The following DOCK1 variants were observed in gnomAD, a reference collection of about 807,000 sequenced individuals.
DOCK1 encodes the protein dedicator of cytokinesis 1, also known as dedicator of cytokinesis protein 1.
DOCK1 carries 138 observed loss-of-function variants against 262.7 expected under a neutral mutation model. The observed-to-expected ratio is 0.53, with a 90% CI of 0.46 to 0.61. DOCK1 has a LOEUF of 0.61. Ranked by LOEUF, DOCK1 falls within the 20% of genes least tolerant of loss-of-function variation. The pLI, the probability that DOCK1 is intolerant of heterozygous loss-of-function variation, is 0.00. For synonymous variants in DOCK1, 866 were observed against 867.4 expected (o/e 1.00, Z 0.03); for missense variants, 1,908 against 2,370.7 (o/e 0.80, Z 4.05).
At chr10:127,052,951 A>G (rs2044843485) in intron 22 of DOCK1, 136 bp downstream of exon 22, 1 of 1,362,946 alleles carries the variant, frequency 7.3e-7, no homozygotes, top group South Asian at 1.5e-5. Context: ...TTCTAGGCTG[A>G]GAGAGCACTG....
At chr10:127,426,873 G>T (rs1207892010) in intron 47 of DOCK1, among the ~76,000 whole-genome samples, 3 of 152,162 alleles carry the variant, frequency 2.0e-5, no homozygotes, top group African/African-American at 7.2e-5. Flanking sequence ...GAGTTTTAAT[G>T]ATGCAAAAAC....
intron 29 of DOCK1, among the ~76,000 whole-genome samples, chr10:127,285,762 G>C (rs1253525011): frequency 1.3e-5 from 2 of 152,226 alleles, no homozygotes; most frequent in Non-Finnish European, 2.9e-5. Flanking sequence ...GAGGATTTGA[G>C]GATACTCTTC....
chr10:127,067,666 TA>T (rs998882309), intron 23 of DOCK1, among the ~76,000 whole-genome samples: 58 of 151,474 alleles, frequency 3.8e-4, no homozygotes, highest in Admixed American at 1.7e-3. Context: ...GTATTTCAGT[TA>T]AAAAAAAATT....
At chr10:127,384,050 GC>G (rs1192324375) in intron 37 of DOCK1, among the ~76,000 whole-genome samples, 4 of 152,156 alleles carry the variant, frequency 2.6e-5, no homozygotes, top group African/African-American at 9.7e-5. Context: ...TGGGAGTCAG[GC>G]ATCTTCCGCC....
At chr10:127,197,777 G>T (rs543712433) in intron 27 of DOCK1, among the ~76,000 whole-genome samples, 1 of 152,118 alleles carries the variant, frequency 6.6e-6, no homozygotes, top group Non-Finnish European at 1.5e-5. Context: ...ATCCTTGTTC[G>T]CTGAGCTGAA....
chr10:127,437,731 A>C lies in DOCK1; in HGVS notation c.5061-1296A>C, dbSNP rs2069792753. On this transcript the variant is annotated intron_variant, in intron 48 of 51. Transcript: ENST00000623213. The surrounding 1 kb of genome is among the most constrained non-coding windows in gnomAD (Gnocchi z 4.4). ...TGAGCTCAAATGATCCACCTGCCTT[A>C]GCCTCCCCAAGTGCTAGGATTATAG... Among the ~76,000 whole-genome samples the C allele has an allele frequency of 6.6e-6, 1 of 152,138 alleles. No homozygotes were observed. The highest frequency in any genetic ancestry group is 6.6e-5 in the Admixed American group (1 of 15,266).
intron 28 of DOCK1, 90 bp from the exon 29 acceptor site, chr10:127,257,245 A>G: frequency 9.6e-7 from 1 of 1,041,738 alleles, no homozygotes; most frequent in Non-Finnish European, 1.4e-6. Context: ...AGCCTTTAAA[A>G]TGGGGTATTT....
Position 126,906,846 on chromosome 10 carries a change from G to A in DOCK1, c.46+1283G>A, listed in dbSNP as rs529404060. ...TGACCACGGAGCCAGCTGGACAGTG[G>A]TCACGGGGACAGTCCTGGGACAGCC... On this transcript the variant is annotated intron_variant, in intron 1 of 51. Coordinates refer to ENST00000623213, the MANE Select transcript of DOCK1 (RefSeq NM_001290223.2). 3.9e-5 allele frequency among the ~76,000 whole-genome samples: 6 copies of A among 152,320 alleles called. No individual in the cohort carries two copies. In the South Asian group the frequency reaches 1.2e-3, roughly 32 times the overall value.
At chr10:127,116,096 T>C (rs1299737569) in intron 25 of DOCK1, among the ~76,000 whole-genome samples, 2 of 152,182 alleles carry the variant, frequency 1.3e-5, no homozygotes, top group Non-Finnish European at 2.9e-5. Context: ...GTAAGCCTGC[T>C]CTGTGTAGTT....
intron 27 of DOCK1, among the ~76,000 whole-genome samples, chr10:127,207,433 C>A (rs1427746945): frequency 6.6e-6 from 1 of 151,962 alleles, no homozygotes; most frequent in Non-Finnish European, 1.5e-5. Context: ...AAAAGATAGG[C>A]ATATTTTGGC....
At chr10:127,379,607 A>G (rs1328366627) in intron 35 of DOCK1, among the ~76,000 whole-genome samples, 1 of 152,220 alleles carries the variant, frequency 6.6e-6, no homozygotes, top group Non-Finnish European at 1.5e-5. Context: ...TGGCTAGTGT[A>G]TTGCATAACT....
At chr10:127,245,946 C>G (rs1410473363) in intron 27 of DOCK1, among the ~76,000 whole-genome samples, 2 of 152,148 alleles carry the variant, frequency 1.3e-5, no homozygotes, top group Non-Finnish European at 2.9e-5. Flanking sequence ...CTAGGTTCAC[C>G]TAGGCTGATA....
chr10:127,075,169 C>CCAAAAAA (rs2046446672), intron 23 of DOCK1, among the ~76,000 whole-genome samples: 1 of 64,322 alleles, frequency 1.6e-5, no homozygotes, highest in African/African-American at 7.0e-5. Flanking sequence ...AACTCTGTCT[C>CCAAAAAA]AAAAAAAAAA....
At chr10:127,113,129 T>C (rs1162429358) in intron 25 of DOCK1, among the ~76,000 whole-genome samples, 5 of 152,192 alleles carry the variant, frequency 3.3e-5, no homozygotes, top group Non-Finnish European at 5.9e-5. Context: ...ATTTTCATGC[T>C]TTTTTCCTGT....
rs1241847128 is a variant in DOCK1 at position 127,451,626 on chromosome 10, G to A, written c.*199G>A. ...GTCATGGAGCAAGGTGGGTCTGGGA[G>A]GTAGATATGGGTCCGGGATGTGCTA... On this transcript the variant is annotated 3_prime_UTR_variant, in exon 52 of 52. Transcript: ENST00000623213. 4.2e-5 allele frequency: 54 copies of A among 1,288,436 alleles called. No individual in the cohort carries two copies. The highest frequency in any genetic ancestry group is 5.6e-5 in the Non-Finnish European group (54 of 967,534). 79.8% of individuals were successfully genotyped at this position (1,288,436 alleles called of 1,614,324 possible). A position where few individuals can be genotyped will look rare whatever the true frequency, so the allele number is the denominator to read the frequency against.
chr10:127,061,829 A>G (rs1295228810), intron 23 of DOCK1, 53 bp downstream of exon 23: 40 of 1,430,622 alleles, frequency 2.8e-5, no homozygotes, highest in Non-Finnish European at 3.7e-5. Flanking sequence ...TTCTTTCATT[A>G]TCTCTTTTGG....
At chr10:127,289,772 G>A (rs796510674) in intron 29 of DOCK1, among the ~76,000 whole-genome samples, 18 of 151,466 alleles carry the variant, frequency 1.2e-4, no homozygotes, top group African/African-American at 3.4e-4. Flanking sequence ...CAGTATCTCC[G>A]TTATCATTAC....
chr10:127,302,582 C>T (rs550137429), intron 29 of DOCK1, among the ~76,000 whole-genome samples: 13 of 152,274 alleles, frequency 8.5e-5, no homozygotes, highest in African/African-American at 2.6e-4. Flanking sequence ...GCCTAGAAAT[C>T]GTAGCTCAGG....
chr10:127,076,318 G>A (rs535332066), intron 23 of DOCK1, among the ~76,000 whole-genome samples: 12 of 152,258 alleles, frequency 7.9e-5, no homozygotes, highest in South Asian at 4.1e-4. Context: ...TGGCTAACAC[G>A]GTGAAACCCC....
Sources: gnomAD v4.1 joint callset for allele counts (sites outside exome capture counted in the v4.1 genomes callset) on GRCh38, gnomAD v4.1.1 for gene constraint, Gnocchi (gnomAD v3.1) non-coding constraint, MANE v1.5 for transcripts, NCBI Gene and HGNC (gene_info 2026-07-23, HGNC 2026-07-21) for gene names.